The following DUSP7 variants were observed in gnomAD, a reference collection of about 807,000 sequenced individuals.
The protein encoded by DUSP7 is dual specificity phosphatase 7, also known as dual specificity protein phosphatase 7.
In DUSP7, 7 loss-of-function variants were observed where a neutral mutation model predicts 29.8. That is an observed-to-expected ratio of 0.24 (90% CI 0.13 to 0.44). The LOEUF (loss-of-function observed/expected upper bound fraction) is 0.44. DUSP7 is among the 20% of genes least tolerant of loss of function. DUSP7 has a pLI of 1.00. For missense variants in DUSP7, 400 were observed against 583.7 expected (o/e 0.69, Z 3.24); for synonymous variants, 287 against 275.4 (o/e 1.04, Z -0.42).
chr3:52,050,485 G>A lies in DUSP7; in HGVS notation c.*330C>T, dbSNP rs1559796759. On this transcript the variant is annotated 3_prime_UTR_variant, in exon 3 of 3. Transcript: ENST00000495880. This position sits in a 1 kb window ranked among gnomAD's most constrained non-coding sequence, Gnocchi z 5.0. ...CTGCCAAAAGTAAAAAGTAAACTCA[G>A]GTCCGTGGATGTGTCTTTAAAAAAC... 2 of 239,266 alleles carry A rather than the reference G, an allele frequency of 8.4e-6. No individual in the cohort carries two copies. The highest frequency in any genetic ancestry group is 2.2e-5 in the African/African-American group (1 of 44,572). 14.8% of individuals were successfully genotyped at this position (239,266 alleles called of 1,614,324 possible). A position where few individuals can be genotyped will look rare whatever the true frequency, so the allele number is the denominator to read the frequency against.
At chr3:52,055,216 AGCCACTC>A (rs1181118548) in intron 1 of DUSP7, among the ~76,000 whole-genome samples, 2 of 120,718 alleles carry the variant, frequency 1.7e-5, no homozygotes, top group Non-Finnish European at 3.2e-5. Flanking sequence ...CACCGGCCTC[AGCCACTC>A]GCCCCCCGGT....
Position 52,050,602 on chromosome 3 carries a change from G to A in DUSP7, c.*213C>T, listed in dbSNP as rs1329733313. 1.7e-6 allele frequency: 1 copy of A among 588,046 alleles called. No individual in the cohort carries two copies. 36.4% of individuals were successfully genotyped at this position (588,046 alleles called of 1,614,324 possible). ...CAAAGCCACGTGTCCAAGAGCCGAG[G>A]CCTCTCCAGCAAGCCCTGCAGTGGG... On this transcript the variant is annotated 3_prime_UTR_variant, in exon 3 of 3. Coordinates refer to ENST00000495880, the MANE Select transcript of DUSP7 (RefSeq NM_001947.4). This position sits in a 1 kb window ranked among gnomAD's most constrained non-coding sequence, Gnocchi z 5.0.
chr3:52,054,136 G>T lies in DUSP7; in HGVS notation c.756C>A (p.Leu252=). ...PAFPVQILPY[L]YLGCAKDSTN... is the part of the protein sequence containing the mutation. The stretch of plus-strand genomic sequence containing the variant: ...TGGAGTCCTTGGCGCAGCCGAGGTA[G>T]AGGTAGGGCAGGATCTGGACAGGGA... Residue 252 remains leucine, a synonymous_variant, in exon 2 of 3, where the codon CTC becomes CTA. Coordinates refer to ENST00000495880, the MANE Select transcript of DUSP7 (RefSeq NM_001947.4). The surrounding 1 kb of genome is among the most constrained non-coding windows in gnomAD (Gnocchi z 4.1). 1 of 1,614,226 alleles carries T rather than the reference G, an allele frequency of 6.2e-7. No individual in the cohort carries two copies. Among genetic ancestry groups the T allele is most frequent in the Non-Finnish European group, 8.5e-7 (1 of 1,180,036 alleles).
At position 52,053,212 on chromosome 3, in the gene DUSP7, AG is replaced by A. The variant is rs1701863146; in HGVS notation, c.952+727del. On this transcript the variant is annotated intron_variant, in intron 2 of 2. Transcript: ENST00000495880. This position sits in a 1 kb window ranked among gnomAD's most constrained non-coding sequence, Gnocchi z 4.6. ...GTGCCCCTTCCTTGCACCCTGGGCC[AG>A]GGGAGATGACCTGTGGTCTCAGCCT... The A allele has an allele frequency of 6.5e-6, 1 of 153,112 alleles. No individual in the cohort carries two copies. The highest frequency in any genetic ancestry group is 2.4e-5 in the African/African-American group (1 of 41,460). 9.5% of individuals were successfully genotyped at this position (153,112 alleles called of 1,614,324 possible).
rs141364781 is a variant in DUSP7, at chr3:52,054,365, T to G, written c.527A>C (p.Asn176Thr). ...CQAYYLQGGF[N>T]KFQTEYSEHC... ...CTCAGAGTACTCTGTTTGAAACTTG[T>G]TGAAACCACCTGTGTCCAGGGTGAG... The change falls in exon 2 of 3, where the codon AAC (asparagine) becomes ACC (threonine). Residue 176 changes from asparagine to threonine, a missense_variant. Physicochemically the swap from Asn to Thr is moderately conservative, Grantham distance 65. Transcript: ENST00000495880. This position sits in a 1 kb window ranked among gnomAD's most constrained non-coding sequence, Gnocchi z 4.1. The G allele has an allele frequency of 6.6e-7, 1 of 1,526,420 alleles. No homozygotes were observed. The highest frequency in any genetic ancestry group is 1.4e-5 in the African/African-American group (1 of 72,198). 94.6% of individuals were successfully genotyped at this position (1,526,420 alleles called of 1,614,324 possible). A position where few individuals can be genotyped will look rare whatever the true frequency, so the allele number is the denominator to read the frequency against.
At position 52,050,152 on chromosome 3, in the gene DUSP7, G is replaced by T. The variant is rs1701831299; in HGVS notation, c.*663C>A. 1 of 151,948 alleles carries T rather than the reference G, an allele frequency of 6.6e-6. No homozygotes were observed. The highest frequency in any genetic ancestry group is 2.1e-4 in the South Asian group (1 of 4,830). 9.4% of individuals were successfully genotyped at this position (151,948 alleles called of 1,614,324 possible). A position where few individuals can be genotyped will look rare whatever the true frequency, so the allele number is the denominator to read the frequency against. ...AGCAGTAAGCCACCCCTTCAAGAAGGGCCCGCTGAGGAAACAGAGGCTTCA... is the reference window on the plus strand; with the variant it reads ...AGCAGTAAGCCACCCCTTCAAGAAGTGCCCGCTGAGGAAACAGAGGCTTCA... On this transcript the variant is annotated 3_prime_UTR_variant, in exon 3 of 3. Coordinates refer to ENST00000495880, the MANE Select transcript of DUSP7 (RefSeq NM_001947.4). This position sits in a 1 kb window ranked among gnomAD's most constrained non-coding sequence, Gnocchi z 5.0.
rs909489881 is a variant in DUSP7 at position 52,049,528 on chromosome 3, T to A, written c.*1287A>T. On this transcript the variant is annotated 3_prime_UTR_variant, in exon 3 of 3. Coordinates refer to ENST00000495880, the MANE Select transcript of DUSP7 (RefSeq NM_001947.4). ...GAAATGGGTGCAAGTCTCCTGGCAG[T>A]AGAAGGCATGGGCAAGATGAGGGCA... 2.0e-5 allele frequency: 3 copies of A among 152,286 alleles called. No individual in the cohort carries two copies. The highest frequency in any genetic ancestry group is 7.2e-5 in the African/African-American group (3 of 41,412). The allele number at this position is 152,286 out of a possible 1,614,324, so 9.4% of individuals were successfully genotyped here.
Position 52,056,127 on chromosome 3 carries a change from G to T in DUSP7, c.240C>A (p.His80Gln), listed in dbSNP as rs773493302. ...ASLLLLDCRP[H>Q]ELFESSHIET... is the part of the protein sequence containing the mutation. Reference sequence around the variant, plus strand: ...CGATGTGCGACGACTCGAAGAGCTCGTGCGGCCGGCAGTCGAGCAGCAGCA... The same window carrying T: ...CGATGTGCGACGACTCGAAGAGCTCTTGCGGCCGGCAGTCGAGCAGCAGCA... The change falls in exon 1 of 3, where the codon CAC (histidine) becomes CAA (glutamine). Residue 80 changes from histidine to glutamine, a missense_variant. This residue lies in a region of DUSP7 where 223 missense variants were observed against 360.9 expected (regional missense o/e 0.62). Transcript: ENST00000495880. The surrounding 1 kb of genome is among the most constrained non-coding windows in gnomAD (Gnocchi z 6.4). The T allele has an allele frequency of 1.2e-6, 2 of 1,603,812 alleles. No individual in the cohort carries two copies. Among genetic ancestry groups the T allele is most frequent in the Non-Finnish European group, 1.7e-6 (2 of 1,178,386 alleles).
In DUSP7 at chr3:52,050,597, C is replaced by T; in HGVS notation, c.*218G>A. The stretch of plus-strand genomic sequence containing the variant: ...ACGCCCAAAGCCACGTGTCCAAGAG[C>T]CGAGGCCTCTCCAGCAAGCCCTGCA... On this transcript the variant is annotated 3_prime_UTR_variant, in exon 3 of 3. Coordinates refer to ENST00000495880, the MANE Select transcript of DUSP7 (RefSeq NM_001947.4). This position sits in a 1 kb window ranked among gnomAD's most constrained non-coding sequence, Gnocchi z 5.0. 1 of 574,462 alleles carries T rather than the reference C, an allele frequency of 1.7e-6. No homozygotes were observed. The highest frequency in any genetic ancestry group is 3.0e-6 in the Non-Finnish European group (1 of 333,152). 35.6% of individuals were successfully genotyped at this position (574,462 alleles called of 1,614,324 possible).
At position 52,055,838 on chromosome 3, in the gene DUSP7, T is replaced by A; in HGVS notation, c.517+12A>T. The A allele has an allele frequency of 6.5e-7, 1 of 1,528,752 alleles. No individual in the cohort carries two copies. 94.7% of individuals were successfully genotyped at this position (1,528,752 alleles called of 1,614,324 possible). ...GCCCCGATCCCGTAAGGCGTCTCGGTGCCGCCCTCACCTTGGAGGTAGTAG... is the reference window on the plus strand; with the variant it reads ...GCCCCGATCCCGTAAGGCGTCTCGGAGCCGCCCTCACCTTGGAGGTAGTAG... On this transcript the variant is annotated intron_variant, in intron 1 of 2. Transcript: ENST00000495880.
At position 52,050,967 on chromosome 3, in the gene DUSP7, G is replaced by C; in HGVS notation, c.1108C>G (p.Pro370Ala). The C allele has an allele frequency of 6.2e-7, 1 of 1,614,264 alleles. No individual in the cohort carries two copies. Among genetic ancestry groups the C allele is most frequent in the Non-Finnish European group, 8.5e-7 (1 of 1,180,038 alleles). Residue 370 changes from proline (P) to alanine (A), a missense_variant, in exon 3 of 3, where the codon CCC becomes GCC. Physicochemically the swap from Pro to Ala is conservative, Grantham distance 27. Around this residue, in one of 4 missense-constraint regions of DUSP7, gnomAD observed 75 missense variants for 95.0 expected, o/e 0.79. Coordinates refer to ENST00000495880, the MANE Select transcript of DUSP7 (RefSeq NM_001947.4). The surrounding 1 kb of genome is among the most constrained non-coding windows in gnomAD (Gnocchi z 5.0). ...AGCTGCCCCATGAAGTTGAAGTTGGGCGAGATGTTGGACTTTTTCCTCTTG... is the reference window on the plus strand; with the variant it reads ...AGCTGCCCCATGAAGTTGAAGTTGGCCGAGATGTTGGACTTTTTCCTCTTG... ...FVKRKKSNISPNFNFMGQLLD... is the reference protein window; with the variant it reads ...FVKRKKSNISANFNFMGQLLD...
intron 1 of DUSP7, among the ~76,000 whole-genome samples, chr3:52,055,212 C>G (rs1007001125): frequency 2.7e-5 from 4 of 150,484 alleles, no homozygotes; most frequent in African/African-American, 9.8e-5. Context: ...GAAACACCGG[C>G]CTCAGCCACT....
In DUSP7 at chr3:52,056,209, G is replaced by A. The variant is rs1409149143; in HGVS notation, c.158C>T (p.Pro53Leu). 3.2e-5 allele frequency: 48 copies of A among 1,520,326 alleles called. No homozygotes were observed. Among genetic ancestry groups the A allele is most frequent in the Non-Finnish European group, 4.0e-5 (46 of 1,139,308 alleles). The allele number at this position is 1,520,326 out of a possible 1,614,324, so 94.2% of individuals were successfully genotyped here. A position where few individuals can be genotyped will look rare whatever the true frequency, so the allele number is the denominator to read the frequency against. The change falls in exon 1 of 3, where the codon CCC (proline) becomes CTC (leucine). Residue 53 changes from proline to leucine, a missense_variant. Around this residue, in one of 4 missense-constraint regions of DUSP7, gnomAD observed 96 missense variants for 97.1 expected, o/e 0.99. Transcript: ENST00000495880. This position sits in a 1 kb window ranked among gnomAD's most constrained non-coding sequence, Gnocchi z 6.4. ...AGAATGAGAM[P>L]CKSAEWLQEE... ...CTGCAGCCACTCGGCGCTCTTGCAG[G>A]GCATGGCCCCTGCCCCCGTCGCCGC... is the stretch of plus-strand genomic sequence containing the variant.
chr3:52,048,987 T>G lies in DUSP7; in HGVS notation c.*1828A>C, dbSNP rs759932496. 2.6e-5 allele frequency: 4 copies of G among 152,210 alleles called. No homozygotes were observed. The highest frequency in any genetic ancestry group is 4.4e-5 in the Non-Finnish European group (3 of 68,048). The allele number at this position is 152,210 out of a possible 1,614,324, so 9.4% of individuals were successfully genotyped here. The stretch of plus-strand genomic sequence containing the variant: ...CCGTTGTTGGTTCGGGATATATATA[T>G]ATATGTATGTGTGTGTATATATATA... On this transcript the variant is annotated 3_prime_UTR_variant, in exon 3 of 3. Coordinates refer to ENST00000495880, the MANE Select transcript of DUSP7 (RefSeq NM_001947.4).
In DUSP7 at chr3:52,049,151, C is replaced by G. The variant is rs1031103702; in HGVS notation, c.*1664G>C. 6.6e-6 allele frequency: 1 copy of G among 152,218 alleles called. No individual in the cohort carries two copies. Among genetic ancestry groups the G allele is most frequent in the South Asian group, 2.1e-4 (1 of 4,832 alleles). 9.4% of individuals were successfully genotyped at this position (152,218 alleles called of 1,614,324 possible). A position where few individuals can be genotyped will look rare whatever the true frequency, so the allele number is the denominator to read the frequency against. On this transcript the variant is annotated 3_prime_UTR_variant, in exon 3 of 3. Coordinates refer to ENST00000495880, the MANE Select transcript of DUSP7 (RefSeq NM_001947.4). ...AAAGAGAGAAAAAGAGAACCATGTACAGCATGGAAGCTTGTTGTCAATTTC... is the reference window on the plus strand; with the variant it reads ...AAAGAGAGAAAAAGAGAACCATGTAGAGCATGGAAGCTTGTTGTCAATTTC...
intron 1 of DUSP7, among the ~76,000 whole-genome samples, chr3:52,055,292 A>G (rs1440880293): frequency 3.9e-5 from 6 of 152,180 alleles, no homozygotes; most frequent in Non-Finnish European, 8.8e-5. Flanking sequence ...GGGTCCCGAG[A>G]GACCCGGGCC....
At chr3:52,052,089 G>A (rs1701853350) in intron 2 of DUSP7, 1 of 152,196 alleles carries the variant, frequency 6.6e-6, no homozygotes, top group South Asian at 2.1e-4. Flanking sequence ...TACTGGCCGA[G>A]CTACTGAACA....
Position 52,051,906 on chromosome 3 carries a change from C to T in DUSP7, c.953-784G>A, listed in dbSNP as rs1701851625. 1 of 152,198 alleles carries T rather than the reference C, an allele frequency of 6.6e-6. No homozygotes were observed. The allele number at this position is 152,198 out of a possible 1,614,324, so 9.4% of individuals were successfully genotyped here. A position where few individuals can be genotyped will look rare whatever the true frequency, so the allele number is the denominator to read the frequency against. ...ATAAGTGAGGTGTGCTTAAATGGGCCCCACCCCTGCCACTTGCTAGACCTT... is the reference window on the plus strand; with the variant it reads ...ATAAGTGAGGTGTGCTTAAATGGGCTCCACCCCTGCCACTTGCTAGACCTT... On this transcript the variant is annotated intron_variant, in intron 2 of 2. Coordinates refer to ENST00000495880, the MANE Select transcript of DUSP7 (RefSeq NM_001947.4). The surrounding 1 kb of genome is among the most constrained non-coding windows in gnomAD (Gnocchi z 4.8).
At position 52,056,393 on chromosome 3, in the gene DUSP7, G is replaced by A; in HGVS notation, c.-27C>T. The A allele has an allele frequency of 1.9e-6, 2 of 1,036,842 alleles. No individual in the cohort carries two copies. The highest frequency in any genetic ancestry group is 2.3e-6 in the Non-Finnish European group (2 of 864,330). 64.2% of individuals were successfully genotyped at this position (1,036,842 alleles called of 1,614,324 possible). A position where few individuals can be genotyped will look rare whatever the true frequency, so the allele number is the denominator to read the frequency against. ...GGGAGCGCGGGCGGCCCGGGGCCGG[G>A]GCCGGGCAGCCCTGCCCTGGGACGG... On this transcript the variant is annotated 5_prime_UTR_variant, in exon 1 of 3. Coordinates refer to ENST00000495880, the MANE Select transcript of DUSP7 (RefSeq NM_001947.4). The surrounding 1 kb of genome is among the most constrained non-coding windows in gnomAD (Gnocchi z 6.4).
Sources: gnomAD v4.1 joint callset for allele counts (sites outside exome capture counted in the v4.1 genomes callset) on GRCh38, gnomAD v4.1.1 for gene constraint, gnomAD v4.1.1 regional missense constraint, Gnocchi (gnomAD v3.1) non-coding constraint, MANE v1.5 for transcripts, NCBI Gene and HGNC (gene_info 2026-07-23, HGNC 2026-07-21) for gene names.